DLX4: variants seen among roughly 807,000 people sequenced by gnomAD.
DLX4 encodes homeobox protein DLX-4.
Under a neutral mutation model 17.1 loss-of-function variants are expected in DLX4, and 13 were observed. The ratio of observed to expected loss-of-function variants is 0.76; its 90% CI spans 0.49 to 1.21. The LOEUF is 1.21. Ranked by LOEUF, DLX4 falls within the 50% of genes most tolerant of loss-of-function variation. The pLI, the probability that DLX4 is intolerant of heterozygous loss-of-function variation, is 0.00. For missense variants in DLX4, 297 were observed against 301.4 expected (o/e 0.99, Z 0.11); for synonymous variants, 129 against 140.3 (o/e 0.92, Z 0.57).
In DLX4 at chr17:49,969,451, G is replaced by A. The variant is rs1406654852; in HGVS notation, c.-18G>A. ...CTACGTGCCGGGCCATGGCCCTTCT[G>A]CCCGGGCCCTGGCCACAATGACCTC... On this transcript the variant is annotated 5_prime_UTR_variant, in exon 1 of 3. Coordinates refer to ENST00000240306, the MANE Select transcript of DLX4 (RefSeq NM_138281.3). The A allele has an allele frequency of 8.6e-5, 131 of 1,525,436 alleles. No individual in the cohort carries two copies. The highest frequency in any genetic ancestry group is 1.1e-4 in the Non-Finnish European group (128 of 1,141,048). The allele number at this position is 1,525,436 out of a possible 1,614,324, so 94.5% of individuals were successfully genotyped here. A position where few individuals can be genotyped will look rare whatever the true frequency, so the allele number is the denominator to read the frequency against.
chr17:49,968,659 C>G (rs1905389528), upstream of DLX4, among the ~76,000 whole-genome samples: 1 of 151,912 alleles, frequency 6.6e-6, no homozygotes, highest in Non-Finnish European at 1.5e-5. Flanking sequence ...GGGGCGTGCG[C>G]GCCACACGCG....
In DLX4 at chr17:49,972,182, T is replaced by C; in HGVS notation, c.284-891T>C. ...AACCCTCCCCTGTCCCTCAGCATTCTAGGGCTGGGCTGTCCCGCGGCCGAG... is the reference window on the plus strand; with the variant it reads ...AACCCTCCCCTGTCCCTCAGCATTCCAGGGCTGGGCTGTCCCGCGGCCGAG... On this transcript the variant is annotated intron_variant, in intron 1 of 2. Transcript: ENST00000240306. This position sits in a 1 kb window ranked among gnomAD's most constrained non-coding sequence, Gnocchi z 5.4. The C allele has an allele frequency of 6.6e-6, 1 of 152,556 alleles. No homozygotes were observed. Among genetic ancestry groups the C allele is most frequent in the Non-Finnish European group, 1.5e-5 (1 of 68,284 alleles). 9.5% of individuals were successfully genotyped at this position (152,556 alleles called of 1,614,324 possible). A position where few individuals can be genotyped will look rare whatever the true frequency, so the allele number is the denominator to read the frequency against.
At chr17:49,973,310 G>A (rs1905591803) in intron 2 of DLX4, 41 bp downstream of exon 2, 2 of 1,603,038 alleles carry the variant, frequency 1.2e-6, no homozygotes, top group South Asian at 1.1e-5. Flanking sequence ...CACCTTCCCT[G>A]GTTCTCTGGG....
chr17:49,970,963 C>T (rs1168464833), intron 1 of DLX4, among the ~76,000 whole-genome samples: 1 of 152,218 alleles, frequency 6.6e-6, no homozygotes, highest in Non-Finnish European at 1.5e-5. Flanking sequence ...TAACTGCCTT[C>T]TGTGACAGAA....
Position 49,969,701 on chromosome 17 carries a change from T to C in DLX4, c.233T>C (p.Leu78Pro). ...CTGTCCTGCCAGCAACCCGCGGCGC[T>C]CTCTCAGCCCCTCTGCGGACCTGCA... Reference protein sequence around the residue: ...SYLSCQQPAALSQPLCGPAEH... With the variant: ...SYLSCQQPAAPSQPLCGPAEH... The change falls in exon 1 of 3, where the codon CTC becomes CCC. Residue 78 changes from leucine to proline, a missense_variant. Physicochemically the swap from Leu to Pro is moderately conservative, Grantham distance 98. Coordinates refer to ENST00000240306, the MANE Select transcript of DLX4 (RefSeq NM_138281.3). The C allele has an allele frequency of 6.2e-7, 1 of 1,602,570 alleles. No individual in the cohort carries two copies. The highest frequency in any genetic ancestry group is 8.5e-7 in the Non-Finnish European group (1 of 1,179,664).
At chr17:49,970,151 T>C (rs374187828) in intron 1 of DLX4, among the ~76,000 whole-genome samples, 3 of 152,232 alleles carry the variant, frequency 2.0e-5, no homozygotes, top group African/African-American at 7.2e-5. Flanking sequence ...TGCCCCATTG[T>C]CGCCCCTCTC....
intron 2 of DLX4, 113 bp from the exon 3 acceptor site, chr17:49,973,588 G>GAAC: frequency 7.5e-7 from 1 of 1,338,212 alleles, no homozygotes; most frequent in South Asian, 1.5e-5. Context: ...CCAGCCTAGG[G>GAAC]AACTGCTGGT....
chr17:49,974,145 T>A lies in DLX4; in HGVS notation c.*202T>A. On this transcript the variant is annotated 3_prime_UTR_variant, in exon 3 of 3. Coordinates refer to ENST00000240306, the MANE Select transcript of DLX4 (RefSeq NM_138281.3). ...CTAAATCAAGGACCTCAGCCTTATATAATCATTGTCCCCACCACTACCATG... is the reference window on the plus strand; with the variant it reads ...CTAAATCAAGGACCTCAGCCTTATAAAATCATTGTCCCCACCACTACCATG... 3.6e-6 allele frequency: 2 copies of A among 549,698 alleles called. No individual in the cohort carries two copies. Among genetic ancestry groups the A allele is most frequent in the Middle Eastern group, 5.0e-4 (1 of 2,010 alleles). The allele number at this position is 549,698 out of a possible 1,614,324, so 34.1% of individuals were successfully genotyped here.
chr17:49,973,582 C>A, intron 2 of DLX4, 119 bp from the exon 3 acceptor site: 2 of 1,307,102 alleles, frequency 1.5e-6, no homozygotes, highest in Non-Finnish European at 2.1e-6. Flanking sequence ...ATGTTCCCAG[C>A]CTAGGGAACT....
Position 49,973,114 on chromosome 17 carries a change from C to T in DLX4, c.325C>T (p.Arg109Cys), listed in dbSNP as rs749670037. Residue 109 changes from arginine to cysteine, a missense_variant, in exon 2 of 3, where the codon CGC becomes TGC. Physicochemically the swap from Arg to Cys is radical, Grantham distance 180. Transcript: ENST00000240306. Reference protein sequence around the residue: ...PRLSPEPSERRPQAPAKKLRK... With the variant: ...PRLSPEPSERCPQAPAKKLRK... ...GCTGTCCCCGGAACCCTCCGAGCGGCGCCCTCAGGCCCCCGCCAAAAAGCT... is the reference window on the plus strand; with the variant it reads ...GCTGTCCCCGGAACCCTCCGAGCGGTGCCCTCAGGCCCCCGCCAAAAAGCT... 6.2e-7 allele frequency: 1 copy of T among 1,614,052 alleles called. No homozygotes were observed. Among genetic ancestry groups the T allele is most frequent in the Non-Finnish European group, 8.5e-7 (1 of 1,179,966 alleles).
chr17:49,972,124 G>A lies in DLX4; in HGVS notation c.284-949G>A, dbSNP rs1905528025. The A allele has an allele frequency of 6.6e-6, 1 of 152,432 alleles. No individual in the cohort carries two copies. Among genetic ancestry groups the A allele is most frequent in the Non-Finnish European group, 1.5e-5 (1 of 68,232 alleles). The allele number at this position is 152,432 out of a possible 1,614,324, so 9.4% of individuals were successfully genotyped here. A position where few individuals can be genotyped will look rare whatever the true frequency, so the allele number is the denominator to read the frequency against. The stretch of plus-strand genomic sequence containing the variant: ...CCCGTAGAGCCGCGCAGGTTAGGGT[G>A]GCTGGCTTGGAAGAACAGAAACCCC... On this transcript the variant is annotated intron_variant, in intron 1 of 2. Coordinates refer to ENST00000240306, the MANE Select transcript of DLX4 (RefSeq NM_138281.3). This position sits in a 1 kb window ranked among gnomAD's most constrained non-coding sequence, Gnocchi z 5.4.
In DLX4 at chr17:49,973,888, G is replaced by A; in HGVS notation, c.668G>A (p.Gly223Glu). The A allele has an allele frequency of 6.2e-7, 1 of 1,613,234 alleles. No individual in the cohort carries two copies. Among genetic ancestry groups the A allele is most frequent in the Non-Finnish European group, 8.5e-7 (1 of 1,179,588 alleles). The change falls in exon 3 of 3, where the codon GGA becomes GAA. Residue 223 changes from glycine to glutamate, a missense_variant. Transcript: ENST00000240306. ...ACCAGTGGCTATGGCAACAGCTTTGGAGCCTGGTATCAGCATCACTCCTCA... is the reference window on the plus strand; with the variant it reads ...ACCAGTGGCTATGGCAACAGCTTTGAAGCCTGGTATCAGCATCACTCCTCA... Reference protein sequence around the residue: ...LPTSGYGNSFGAWYQHHSSDV... With the variant: ...LPTSGYGNSFEAWYQHHSSDV...
At position 49,969,283 on chromosome 17, in the gene DLX4, C is replaced by T; in HGVS notation, c.-186C>T. ...GTCATGGGGGGCACCCCCCCGGAACCCCTTTCCCAGGCGCGCGTTCTCCGC... is the reference window on the plus strand; with the variant it reads ...GTCATGGGGGGCACCCCCCCGGAACTCCTTTCCCAGGCGCGCGTTCTCCGC... On this transcript the variant is annotated 5_prime_UTR_variant, in exon 1 of 3. Coordinates refer to ENST00000240306, the MANE Select transcript of DLX4 (RefSeq NM_138281.3). The T allele has an allele frequency of 1.6e-6, 1 of 631,288 alleles. No individual in the cohort carries two copies. Among genetic ancestry groups the T allele is most frequent in the South Asian group, 3.3e-5 (1 of 30,608 alleles). The allele number at this position is 631,288 out of a possible 1,614,324, so 39.1% of individuals were successfully genotyped here. A position where few individuals can be genotyped will look rare whatever the true frequency, so the allele number is the denominator to read the frequency against.
chr17:49,970,226 T>C (rs184682302), intron 1 of DLX4, among the ~76,000 whole-genome samples: 336 of 152,276 alleles, frequency 2.2e-3, no homozygotes, highest in Admixed American at 5.0e-3. Context: ...CAAGTCCTGG[T>C]AGGAGGGCTG....
rs552702986 is a variant in DLX4 at position 49,969,827 on chromosome 17, G to A, written c.283+76G>A. 2.9e-4 allele frequency: 384 copies of A among 1,338,462 alleles called. 3 individuals carry two copies. The African/African-American group carries it at 5.6e-3, about 19-fold the overall frequency. 82.9% of individuals were successfully genotyped at this position (1,338,462 alleles called of 1,614,324 possible). ...CGCCCCTAAACTTCTCCCTCGCCTG[G>A]TTGGACGCAGCTAGCGGGATTCAAA... is the stretch of plus-strand genomic sequence containing the variant. On this transcript the variant is annotated intron_variant, in intron 1 of 2. Transcript: ENST00000240306.
At chr17:49,973,583 C>A in intron 2 of DLX4, 118 bp from the exon 3 acceptor site, 2 of 1,310,626 alleles carry the variant, frequency 1.5e-6, no homozygotes, top group Non-Finnish European at 2.1e-6. Context: ...TGTTCCCAGC[C>A]TAGGGAACTG....
At chr17:49,970,222 C>G (rs1196422700) in intron 1 of DLX4, among the ~76,000 whole-genome samples, 1 of 152,194 alleles carries the variant, frequency 6.6e-6, no homozygotes, top group Non-Finnish European at 1.5e-5. Flanking sequence ...AGATCAAGTC[C>G]TGGTAGGAGG....
Position 49,969,567 on chromosome 17 carries a change from T to G in DLX4, c.99T>G (p.Leu33=). ...PVPSVAAAYP[L]GLSPTTAASP... ...CGTCGGTAGCGGCTGCCTACCCGCT[T>G]GGCTTGTCCCCTACAACCGCAGCCT... Residue 33 remains leucine (L), a synonymous_variant, in exon 1 of 3, where the codon CTT becomes CTG. Transcript: ENST00000240306. 6.2e-7 allele frequency: 1 copy of G among 1,613,608 alleles called. No homozygotes were observed. The highest frequency in any genetic ancestry group is 8.5e-7 in the Non-Finnish European group (1 of 1,179,958).
At position 49,969,426 on chromosome 17, in the gene DLX4, C is replaced by T. The variant is rs1905418882; in HGVS notation, c.-43C>T. 2 of 1,477,226 alleles carry T rather than the reference C, an allele frequency of 1.4e-6. No homozygotes were observed. Among genetic ancestry groups the T allele is most frequent in the South Asian group, 2.8e-5 (2 of 72,164 alleles). 91.5% of individuals were successfully genotyped at this position (1,477,226 alleles called of 1,614,324 possible). A position where few individuals can be genotyped will look rare whatever the true frequency, so the allele number is the denominator to read the frequency against. On this transcript the variant is annotated 5_prime_UTR_variant, in exon 1 of 3. Transcript: ENST00000240306. ...AAAGAGAGTTGGCAGCGGGAGCGGA[C>T]TACGTGCCGGGCCATGGCCCTTCTG... is the stretch of plus-strand genomic sequence containing the variant.
Sources: gnomAD v4.1 joint callset for allele counts (sites outside exome capture counted in the v4.1 genomes callset) on GRCh38, gnomAD v4.1.1 for gene constraint, Gnocchi (gnomAD v3.1) non-coding constraint, MANE v1.5 for transcripts, NCBI Gene and HGNC (gene_info 2026-07-23, HGNC 2026-07-21) for gene names.